The following CALM2 variants were observed in gnomAD, a reference collection of about 807,000 sequenced individuals.
The protein encoded by CALM2 is calmodulin 2.
CALM2 carries 2 observed loss-of-function variants against 19.8 expected under a neutral mutation model. The observed-to-expected ratio is 0.10, with a 90% confidence interval of 0.04 to 0.32. The LOEUF is 0.32. Ranked by LOEUF, CALM2 falls within the 10% of genes least tolerant of loss-of-function variation. The probability of loss-of-function intolerance (pLI) is 1.00; values close to 1 mark genes in which losing one functional copy is unlikely to be tolerated. For synonymous variants in CALM2, 51 were observed against 52.1 expected (o/e 0.98, Z 0.09); for missense variants, 38 against 178.7 (o/e 0.21, Z 4.49).
chr2:47,175,097 T>TC (rs1553433904), intron 1 of CALM2, among the ~76,000 whole-genome samples: 5 of 126,630 alleles, frequency 3.9e-5, no homozygotes, highest in African/African-American at 2.0e-4. Context: ...TTTTTTTTTT[T>TC]TCAGGAAAGA....
upstream of CALM2, chr2:47,176,545 C>T (rs765049392): frequency 4.5e-6 from 7 of 1,566,248 alleles, no homozygotes; most frequent in Non-Finnish European, 6.1e-6. Flanking sequence ...GCCTCATAAA[C>T]ACCTCCCTCC....
chr2:47,176,755 C>T (rs974982660), upstream of CALM2: 3 of 985,344 alleles, frequency 3.0e-6, no homozygotes, highest in Admixed American at 6.1e-5. Context: ...GGAGCGGCCC[C>T]TGAGGGGCGC....
chr2:47,175,303 G>A (rs1286686123), intron 1 of CALM2, among the ~76,000 whole-genome samples: 1 of 152,152 alleles, frequency 6.6e-6, no homozygotes, highest in African/African-American at 2.4e-5. Context: ...ATGTTTTTAT[G>A]TGGTCGTGGT....
At chr2:47,167,458 T>C in intron 2 of CALM2, 1 of 155,662 alleles carries the variant, frequency 6.4e-6, no homozygotes, top group South Asian at 1.5e-4. Flanking sequence ...CTTTGGGAGG[T>C]CAAGGTAAGC....
chr2:47,173,362 G>C (rs1573230805), intron 1 of CALM2: 1 of 152,160 alleles, frequency 6.6e-6, no homozygotes, highest in Non-Finnish European at 1.5e-5. Flanking sequence ...CTAGAGAGAT[G>C]ACTTGTTCTT....
At chr2:47,170,523 T>A (rs567202656) in intron 2 of CALM2, among the ~76,000 whole-genome samples, 54 of 152,356 alleles carry the variant, frequency 3.5e-4, no homozygotes, top group African/African-American at 1.3e-3. Flanking sequence ...TACATGTCTT[T>A]AACTACAATT....
At chr2:47,170,274 C>T (rs1332728458) in intron 2 of CALM2, among the ~76,000 whole-genome samples, 1 of 152,158 alleles carries the variant, frequency 6.6e-6, no homozygotes, top group Non-Finnish European at 1.5e-5. Flanking sequence ...AATGGTTATT[C>T]CCTGACTGAT....
At chr2:47,162,468 C>G (rs768087618) in intron 3 of CALM2, 51 bp downstream of exon 3, 3 of 1,611,772 alleles carry the variant, frequency 1.9e-6, no homozygotes, top group Non-Finnish European at 8.5e-7. Flanking sequence ...GTGGAAACAT[C>G]TAAGTATCAC....
intron 2 of CALM2, among the ~76,000 whole-genome samples, chr2:47,168,092 A>AT (rs969754988): frequency 3.3e-5 from 5 of 152,122 alleles, no homozygotes; most frequent in African/African-American, 1.2e-4. Flanking sequence ...TGAGAATAAA[A>AT]TTTATTCAAG....
chr2:47,166,430 G>C (rs1345556135), intron 2 of CALM2, among the ~76,000 whole-genome samples: 1 of 152,174 alleles, frequency 6.6e-6, no homozygotes, highest in Non-Finnish European at 1.5e-5. Context: ...AAGATGCATA[G>C]TGTAAGACTA....
chr2:47,175,081 G>GTTTTTTTTTTTTTTTTTT lies in CALM2; in HGVS notation c.3+1359_3+1360insAAAAAAAAAAAAAAAAAA, dbSNP rs563702873. Among the ~76,000 whole-genome samples, 7 of 77,944 alleles carry GTTTTTTTTTTTTTTTTTT rather than the reference G, an allele frequency of 9.0e-5. 1 individual carries two copies. Among genetic ancestry groups the GTTTTTTTTTTTTTTTTTT allele is most frequent in the African/African-American group, 6.4e-4 (7 of 10,898 alleles). The allele number at this position is 77,944 out of a possible 152,430, so 51.1% of individuals were successfully genotyped here. A position where few individuals can be genotyped will look rare whatever the true frequency, so the allele number is the denominator to read the frequency against. ...TCACAGATCACCGCCCTCATTAGGT[G>GTTTTTTTTTTTTTTTTTT]TTTTTTTTTTTTTTTTTCAGGAAAG... On this transcript the variant is annotated intron_variant, in intron 1 of 5. Coordinates refer to ENST00000272298, the MANE Select transcript of CALM2 (RefSeq NM_001743.6).
chr2:47,172,154 T>TA (rs1163684709), intron 1 of CALM2: 1 of 190,948 alleles, frequency 5.2e-6, no homozygotes, highest in African/African-American at 2.3e-5. Flanking sequence ...ACCCAAGGAA[T>TA]AAGGTTTAAA....
At chr2:47,176,567 C>A (rs1165445403), upstream of CALM2, 40 of 1,552,194 alleles carry the variant, frequency 2.6e-5, no homozygotes, top group East Asian at 9.3e-4. Flanking sequence ...CCAGATCCCT[C>A]CGCCGCATCC....
In CALM2 at chr2:47,160,697, T is replaced by C. The variant is rs545773591; in HGVS notation, c.*79A>G. 2.4e-4 allele frequency: 188 copies of C among 788,416 alleles called. No individual in the cohort carries two copies. Among genetic ancestry groups the C allele is most frequent in the Middle Eastern group, 7.6e-4 (2 of 2,648 alleles). The allele number at this position is 788,416 out of a possible 1,614,324, so 48.8% of individuals were successfully genotyped here. A position where few individuals can be genotyped will look rare whatever the true frequency, so the allele number is the denominator to read the frequency against. On this transcript the variant is annotated 3_prime_UTR_variant, in exon 6 of 6. Coordinates refer to ENST00000272298, the MANE Select transcript of CALM2 (RefSeq NM_001743.6). ...TTTTTTTGACAGTAGGGAGAAACCTTTTACAGATAAGTTACAAACAAAGAA... is the reference window on the plus strand; with the variant it reads ...TTTTTTTGACAGTAGGGAGAAACCTCTTACAGATAAGTTACAAACAAAGAA...
At chr2:47,161,647 CG>C (rs1687159730) in intron 5 of CALM2, 75 bp downstream of exon 5, 1 of 1,370,162 alleles carries the variant, frequency 7.3e-7, no homozygotes, top group East Asian at 2.4e-5. Context: ...TCACTAATTT[CG>C]ATCAGTTCCC....
chr2:47,160,807 GA>G lies in CALM2; in HGVS notation c.422-4del. 3 of 1,159,434 alleles carry G rather than the reference GA, an allele frequency of 2.6e-6. No homozygotes were observed. Among genetic ancestry groups the G allele is most frequent in the Non-Finnish European group, 2.2e-6 (2 of 900,500 alleles). 71.8% of individuals were successfully genotyped at this position (1,159,434 alleles called of 1,614,324 possible). On this transcript the variant is annotated splice_region_variant and splice_polypyrimidine_tract_variant and intron_variant, in intron 5 of 5. Coordinates refer to ENST00000272298, the MANE Select transcript of CALM2 (RefSeq NM_001743.6). ...TGCTGTCATCATTTGTACAAACTCT[GA>G]AAAAGAAGAAGTACACAAAAAATGA...
At chr2:47,162,778 C>T in intron 2 of CALM2, 116 bp from the exon 3 acceptor site, 1 of 837,222 alleles carries the variant, frequency 1.2e-6, no homozygotes, top group Non-Finnish European at 1.8e-6. Context: ...AGTGAACAGC[C>T]ACTGCACTTC....
rs1666643769 is a variant in CALM2 at position 47,170,897 on chromosome 2, A to AG, written c.4-134dup. ...GTTCCAGCAACAAACACATCTGGAT[A>AG]GAAAATGCACACATCTAGTTTCTCT... On this transcript the variant is annotated intron_variant, in intron 1 of 5. Coordinates refer to ENST00000272298, the MANE Select transcript of CALM2 (RefSeq NM_001743.6). 3 of 747,550 alleles carry AG rather than the reference A, an allele frequency of 4.0e-6. No individual in the cohort carries two copies. The East Asian group carries it at 7.6e-5, about 19-fold the overall frequency. The allele number at this position is 747,550 out of a possible 1,614,324, so 46.3% of individuals were successfully genotyped here.
intron 1 of CALM2, chr2:47,173,520 C>G (rs1666743377): frequency 1.3e-5 from 2 of 152,198 alleles, no homozygotes; most frequent in African/African-American, 4.8e-5. Flanking sequence ...GGTGATCTGT[C>G]AACACTAAGG....
Sources: allele counts gnomAD v4.1 joint callset (sites outside exome capture counted in the v4.1 genomes callset), GRCh38; gene constraint gnomAD v4.1.1; transcripts MANE v1.5; gene names NCBI Gene and HGNC (gene_info 2026-07-23, HGNC 2026-07-21).